Variants in SHISA6 observed in about 807,000 individuals in gnomAD.
The protein encoded by SHISA6 is protein shisa-6.
SHISA6 carries 22 observed loss-of-function variants against 47.9 expected under a neutral mutation model. The ratio of observed to expected loss-of-function variants is 0.46; its 90% CI spans 0.33 to 0.66. The LOEUF (loss-of-function observed/expected upper bound fraction) is 0.66. Ranked by LOEUF, SHISA6 falls within the 30% of genes least tolerant of loss-of-function variation. The pLI is 0.02. For missense variants in SHISA6, 680 were observed against 764.6 expected, an observed-to-expected ratio of 0.89 and a Z score of 1.30; for synonymous variants, 388 against 337.8, an observed-to-expected ratio of 1.15 and a Z score of -1.63.
intron 2 of SHISA6, among the ~76,000 whole-genome samples, chr17:11,313,653 G>A (rs1290596119): frequency 6.6e-6 from 1 of 152,138 alleles, no homozygotes; most frequent in African/African-American, 2.4e-5. Flanking sequence ...ATTTAAGCAG[G>A]GATTTGAAGG....
intron 3 of SHISA6, among the ~76,000 whole-genome samples, chr17:11,409,438 C>A (rs747470310): frequency 2.8e-4 from 43 of 152,206 alleles, no homozygotes; most frequent in Non-Finnish European, 5.9e-4. Context: ...AGTGTCGGGC[C>A]AGGAGTGGTG....
intron 3 of SHISA6, among the ~76,000 whole-genome samples, chr17:11,478,331 G>A (rs1916116357): frequency 8.9e-6 from 1 of 112,652 alleles, no homozygotes; most frequent in Non-Finnish European, 1.8e-5. Context: ...CCCTTTGTCA[G>A]ATGAGTAGGT....
intron 3 of SHISA6, among the ~76,000 whole-genome samples, chr17:11,434,264 A>C (rs556824409): frequency 6.6e-6 from 1 of 152,046 alleles, no homozygotes; most frequent in Admixed American, 6.5e-5. Context: ...GGCTTTCACT[A>C]TGTTGGCCGA....
At chr17:11,545,776 TG>T (rs1466744546) in intron 3 of SHISA6, among the ~76,000 whole-genome samples, 1 of 152,202 alleles carries the variant, frequency 6.6e-6, no homozygotes, top group Non-Finnish European at 1.5e-5. Flanking sequence ...CAGTGGATGT[TG>T]GCTGTCAACT....
chr17:11,479,218 A>G (rs538322661), intron 3 of SHISA6, among the ~76,000 whole-genome samples: 1 of 152,224 alleles, frequency 6.6e-6, no homozygotes, highest in Admixed American at 6.5e-5. Flanking sequence ...AGCCTGGGTG[A>G]CAGAGTGAGA....
Position 11,301,985 on chromosome 17 carries a change from G to A in SHISA6, c.799+38459G>A, listed in dbSNP as rs151148020. ...CAAAAGGCACTTCTTACATGGCGGC[G>A]GCAAGAGAAAATGAGGAAAAAGCAA... is the stretch of plus-strand genomic sequence containing the variant. On this transcript the variant is annotated intron_variant, in intron 2 of 5. Transcript: ENST00000441885. Among the ~76,000 whole-genome samples, 745 of 152,258 alleles carry A rather than the reference G, an allele frequency of 4.9e-3. 2 individuals are homozygous for A. The highest frequency in any genetic ancestry group is 9.7e-3 in the African/African-American group (402 of 41,548).
At chr17:11,390,638 G>T (rs1913353026) in intron 3 of SHISA6, among the ~76,000 whole-genome samples, 1 of 152,092 alleles carries the variant, frequency 6.6e-6, no homozygotes, top group Non-Finnish European at 1.5e-5. Flanking sequence ...CCCCTCAATG[G>T]CCTTTAAGAT....
chr17:11,269,979 G>A (rs1908578484), intron 2 of SHISA6, among the ~76,000 whole-genome samples: 1 of 152,100 alleles, frequency 6.6e-6, no homozygotes, highest in Non-Finnish European at 1.5e-5. Context: ...TATTTTGTAA[G>A]TTTTTATGTT....
intron 3 of SHISA6, among the ~76,000 whole-genome samples, chr17:11,543,583 T>A (rs1400050592): frequency 1.3e-5 from 2 of 149,378 alleles, no homozygotes; most frequent in East Asian, 1.9e-4. Flanking sequence ...CCCTGCAAAA[T>A]TTTTTTCTGG....
chr17:11,394,049 A>C (rs753230232), intron 3 of SHISA6, among the ~76,000 whole-genome samples: 9 of 152,142 alleles, frequency 5.9e-5, no homozygotes, highest in Non-Finnish European at 8.8e-5. Flanking sequence ...ATACTCTTCA[A>C]AAAATTATTT....
rs1005391819 is a variant in SHISA6, at chr17:11,562,675, T to G, written c.*4371T>G. On this transcript the variant is annotated 3_prime_UTR_variant, in exon 6 of 6. Coordinates refer to ENST00000441885, the MANE Select transcript of SHISA6 (RefSeq NM_207386.4). Reference sequence around the variant, plus strand: ...CATGTTCCCCACTCAGTGCCTCAGTTTCCCCATCTGTAAAATGAGGGGCTT... The same window carrying G: ...CATGTTCCCCACTCAGTGCCTCAGTGTCCCCATCTGTAAAATGAGGGGCTT... 6.6e-6 allele frequency: 1 copy of G among 152,286 alleles called. No homozygotes were observed. Among genetic ancestry groups the G allele is most frequent in the African/African-American group, 2.4e-5 (1 of 41,432 alleles). The allele number at this position is 152,286 out of a possible 1,614,324, so 9.4% of individuals were successfully genotyped here. A position where few individuals can be genotyped will look rare whatever the true frequency, so the allele number is the denominator to read the frequency against.
intron 3 of SHISA6, among the ~76,000 whole-genome samples, chr17:11,484,942 G>A (rs915141098): frequency 2.6e-5 from 4 of 152,026 alleles, no homozygotes; most frequent in Non-Finnish European, 5.9e-5. Flanking sequence ...CCATAATAAC[G>A]TGGCTTTTCC....
intron 3 of SHISA6, among the ~76,000 whole-genome samples, chr17:11,388,864 A>AT (rs113895656): frequency 0.025 from 3,567 of 140,014 alleles, 215 homozygotes; most frequent in African/African-American, 0.083. Context: ...AAAAAAAAAA[A>AT]ACCTTTGAGA....
intron 2 of SHISA6, among the ~76,000 whole-genome samples, chr17:11,347,217 A>G (rs1447620516): frequency 1.3e-5 from 2 of 152,168 alleles, no homozygotes; most frequent in Admixed American, 1.3e-4. Flanking sequence ...ATATCCACAA[A>G]GAAGCCTGAG....
chr17:11,415,936 G>A (rs1018664474), intron 3 of SHISA6, among the ~76,000 whole-genome samples: 2 of 152,218 alleles, frequency 1.3e-5, no homozygotes, highest in Non-Finnish European at 2.9e-5. Context: ...CCAGGATCGA[G>A]GTGATAGATC....
chr17:11,254,296 T>C (rs570920129), intron 1 of SHISA6, among the ~76,000 whole-genome samples: 17 of 152,174 alleles, frequency 1.1e-4, no homozygotes, highest in Admixed American at 2.6e-4. Context: ...ATGTGAGCTG[T>C]AGTGTTGTGG....
chr17:11,331,218 CCTT>C (rs1567575061), intron 2 of SHISA6, among the ~76,000 whole-genome samples: 1 of 152,104 alleles, frequency 6.6e-6, no homozygotes, highest in African/African-American at 2.4e-5. Flanking sequence ...AATGCATTAC[CCTT>C]CTTTATTGGC....
At chr17:11,338,905 A>G (rs1019500017) in intron 2 of SHISA6, among the ~76,000 whole-genome samples, 2 of 152,190 alleles carry the variant, frequency 1.3e-5, no homozygotes, top group African/African-American at 2.4e-5. Context: ...CTAAATGTAC[A>G]ACAGTGGGGG....
chr17:11,269,049 G>T (rs1201148215), intron 2 of SHISA6, among the ~76,000 whole-genome samples: 4,224 of 138,362 alleles, frequency 0.031, 162 homozygotes, highest in African/African-American at 0.096. Context: ...TGTCTGTTTT[G>T]TTTTTTTTTT....
Sources: gnomAD v4.1 joint callset for allele counts (sites outside exome capture counted in the v4.1 genomes callset) on GRCh38, gnomAD v4.1.1 for gene constraint, MANE v1.5 for transcripts, NCBI Gene and HGNC (gene_info 2026-07-23, HGNC 2026-07-21) for gene names.